The following FCHO1 variants were observed in gnomAD, a reference collection of about 807,000 sequenced individuals.
The protein encoded by FCHO1 is FCH and mu domain containing endocytic adaptor 1, also known as F-BAR domain only protein 1.
Under a neutral mutation model 114.4 loss-of-function variants are expected in FCHO1, and 45 were observed. That is an observed-to-expected ratio of 0.39 (90% CI 0.31 to 0.50). The LOEUF is 0.50. Ranked by LOEUF, FCHO1 falls within the 20% of genes least tolerant of loss-of-function variation. FCHO1 has a pLI of 0.77. For missense variants in FCHO1, 1,042 were observed against 1,209.6 expected, an observed-to-expected ratio of 0.86 and a Z score of 2.06; for synonymous variants, 480 against 488.9, an observed-to-expected ratio of 0.98 and a Z score of 0.24.
chr19:17,760,305 C>A (rs1335830806), intron 4 of FCHO1, among the ~76,000 whole-genome samples: 2 of 152,194 alleles, frequency 1.3e-5, no homozygotes, highest in Non-Finnish European at 2.9e-5. Flanking sequence ...CCTGCCTCGG[C>A]TTCCCAAAGT....
chr19:17,787,469 A>T (rs1387385887), intron 27 of FCHO1, among the ~76,000 whole-genome samples: 1 of 151,552 alleles, frequency 6.6e-6, no homozygotes, highest in African/African-American at 2.4e-5. Context: ...GGCCAGACAC[A>T]GCAGGTGCAA....
chr19:17,780,037 C>T (rs895299851), intron 20 of FCHO1, among the ~76,000 whole-genome samples: 3 of 151,876 alleles, frequency 2.0e-5, no homozygotes, highest in African/African-American at 7.3e-5. Flanking sequence ...GGGCTGTGAC[C>T]ACCCGAGGTC....
At chr19:17,780,158 GCT>G in intron 20 of FCHO1, among the ~76,000 whole-genome samples, 1 of 114,370 alleles carries the variant, frequency 8.7e-6, no homozygotes, top group Non-Finnish European at 1.8e-5. Flanking sequence ...GGCAGAAGAA[GCT>G]CTTTTTTTTT....
rs2093665700 is a variant in FCHO1, at chr19:17,784,143, C to A, written c.2134C>A (p.Leu712Ile). Residue 712 changes from leucine (L) to isoleucine (I), a missense_variant, in exon 25 of 29, where the codon CTC (leucine) becomes ATC (isoleucine). Coordinates refer to ENST00000596536, the MANE Select transcript of FCHO1 (RefSeq NM_015122.3). The surrounding 1 kb of genome is among the most constrained non-coding windows in gnomAD (Gnocchi z 5.3). ...TGACCCTGAGACCAAAGACTTCTGG[C>A]TCAACATGGCAGCTCTGACCGAAGC... Reference protein sequence around the residue: ...QSDPETKDFWLNMAALTEALQ... With the variant: ...QSDPETKDFWINMAALTEALQ... 6.2e-7 allele frequency: 1 copy of A among 1,614,034 alleles called. No homozygotes were observed. The highest frequency in any genetic ancestry group is 1.3e-5 in the African/African-American group (1 of 74,942).
chr19:17,787,928 G>T, intron 28 of FCHO1, 82 bp downstream of exon 28: 1 of 1,480,824 alleles, frequency 6.8e-7, no homozygotes, highest in East Asian at 2.3e-5. Context: ...GAGGGATTGG[G>T]GTGTGGGGAT....
intron 27 of FCHO1, 152 bp from the exon 28 acceptor site, chr19:17,787,530 A>T: frequency 1.2e-6 from 1 of 853,492 alleles, no homozygotes; most frequent in Non-Finnish European, 1.7e-6. Flanking sequence ...CAGTGATGCC[A>T]GGAGAGACAG....
intron 1 of FCHO1, among the ~76,000 whole-genome samples, chr19:17,753,157 G>A (rs1009398585): frequency 1.3e-5 from 2 of 152,198 alleles, no homozygotes; most frequent in African/African-American, 4.8e-5. Flanking sequence ...AAGAGATTTG[G>A]AGATGCTTAG....
chr19:17,781,278 G>T lies in FCHO1; in HGVS notation c.1675G>T (p.Ala559Ser). Residue 559 changes from alanine (A) to serine (S), a missense_variant, in exon 21 of 29, where the codon GCC (alanine) becomes TCC (serine). This residue lies in a region of FCHO1 where 455 missense variants were observed against 455.4 expected (regional missense o/e 1.00). Coordinates refer to ENST00000596536, the MANE Select transcript of FCHO1 (RefSeq NM_015122.3). ...ADPTAREGLA[A>S]PPRRLRSRKV... ...CCCCACAGCCAGGGAGGGCCTGGCAGCCCCACCCAGGAGACTTCGCTCTAG... is the reference window on the plus strand; with the variant it reads ...CCCCACAGCCAGGGAGGGCCTGGCATCCCCACCCAGGAGACTTCGCTCTAG... 1 of 1,614,026 alleles carries T rather than the reference G, an allele frequency of 6.2e-7. No homozygotes were observed. The highest frequency in any genetic ancestry group is 8.5e-7 in the Non-Finnish European group (1 of 1,179,962).
chr19:17,747,779 T>G (rs1245983305), upstream of FCHO1: 3 of 152,014 alleles, frequency 2.0e-5, no homozygotes, highest in East Asian at 5.8e-4. Context: ...AAGCCGCAGG[T>G]GGCGGCGAGC....
Position 17,762,851 on chromosome 19 carries a change from G to C in FCHO1, c.117G>C (p.Glu39Asp). The C allele has an allele frequency of 6.2e-7, 1 of 1,609,140 alleles. No homozygotes were observed. Among genetic ancestry groups the C allele is most frequent in the Admixed American group, 1.7e-5 (1 of 59,990 alleles). The change falls in exon 5 of 29, where the codon GAG becomes GAC. Residue 39 changes from glutamate to aspartate, a missense_variant and splice_region_variant. By Grantham distance (45) the Glu-to-Asp change is conservative (BLOSUM62 2). Transcript: ENST00000596536. ...STKELADFIR[E>D]RATIEETYSK... ...AGGAGCTGGCGGACTTCATCCGGGA[G>C]AGGTGAGGTCCCCAAGCCCCATCCA... is the stretch of plus-strand genomic sequence containing the variant.
rs1389927907 is a variant in FCHO1 at position 17,766,828 on chromosome 19, C to T, written c.336+18C>T. The stretch of plus-strand genomic sequence containing the variant: ...ACAAGAAGGTGTGTGTCGTGGGCGC[C>T]GCCCAGCGGCTGGGTGGGTGTGGAA... On this transcript the variant is annotated intron_variant, in intron 7 of 28. Transcript: ENST00000596536. The T allele has an allele frequency of 5.6e-6, 9 of 1,605,442 alleles. No individual in the cohort carries two copies. Among genetic ancestry groups the T allele is most frequent in the East Asian group, 2.2e-5 (1 of 44,606 alleles).
intron 13 of FCHO1, chr19:17,774,797 T>G (rs1223948965): frequency 1.7e-6 from 1 of 583,460 alleles, no homozygotes; most frequent in East Asian, 2.8e-5. Flanking sequence ...CGACTTTCCC[T>G]ATCTTCACAA....
At position 17,774,414 on chromosome 19, in the gene FCHO1, G is replaced by A. The variant is rs759854413; in HGVS notation, c.856G>A (p.Ala286Thr). ...LQEAMKRLRG[A>T]KAFRLPGLSR... Reference sequence around the variant, plus strand: ...CTCAGCGATGAAACGTTTGCGGGGAGCCAAGGCCTTTCGCCTTCCAGGACT... The same window carrying A: ...CTCAGCGATGAAACGTTTGCGGGGAACCAAGGCCTTTCGCCTTCCAGGACT... The change falls in exon 13 of 29, where the codon GCC becomes ACC. Residue 286 changes from alanine (A) to threonine (T), a missense_variant. Ala to Thr is a moderately conservative substitution (Grantham distance 58). Coordinates refer to ENST00000596536, the MANE Select transcript of FCHO1 (RefSeq NM_015122.3). 3.7e-6 allele frequency: 6 copies of A among 1,613,890 alleles called. No homozygotes were observed. The highest frequency in any genetic ancestry group is 5.1e-6 in the Non-Finnish European group (6 of 1,180,024).
chr19:17,777,535 CAAAAAAAAAA>C (rs34293409), intron 18 of FCHO1, among the ~76,000 whole-genome samples: 5 of 74,808 alleles, frequency 6.7e-5, no homozygotes, highest in African/African-American at 1.1e-4. Context: ...AACTCCGTCT[CAAAAAAAAAA>C]AAAAAAAAAA....
rs556822155 is a variant in FCHO1, at chr19:17,776,024, T to C, written c.1045T>C (p.Phe349Leu). Residue 349 changes from phenylalanine (F) to leucine (L), a missense_variant, in exon 16 of 29, where the codon TTC becomes CTC. This residue lies in a region of FCHO1 where 450 missense variants were observed against 564.1 expected (regional missense o/e 0.80). Transcript: ENST00000596536. The surrounding 1 kb of genome is among the most constrained non-coding windows in gnomAD (Gnocchi z 4.4). The stretch of plus-strand genomic sequence containing the variant: ...CCGTTTCTCGTCCAGCGACTCCGAC[T>C]TCGACGATGAAGAGCCCCGCAAGTT... ...PSRFSSSDSD[F>L]DDEEPRKFYV... is the part of the protein sequence containing the mutation. 6.2e-7 allele frequency: 1 copy of C among 1,609,708 alleles called. No homozygotes were observed. Among genetic ancestry groups the C allele is most frequent in the South Asian group, 1.1e-5 (1 of 91,072 alleles).
intron 20 of FCHO1, among the ~76,000 whole-genome samples, chr19:17,779,772 C>T (rs1181016094): frequency 1.3e-5 from 2 of 150,002 alleles, no homozygotes; most frequent in East Asian, 2.0e-4. Context: ...GGGTGGGGGA[C>T]GTCGAGGCTG....
chr19:17,757,652 A>C (rs1378384668), intron 4 of FCHO1, among the ~76,000 whole-genome samples: 1 of 152,198 alleles, frequency 6.6e-6, no homozygotes, highest in Non-Finnish European at 1.5e-5. Context: ...GTGGTAGCTC[A>C]CGTCTGTAAT....
chr19:17,748,508 G>T (rs1182395909), upstream of FCHO1, among the ~76,000 whole-genome samples: 5 of 63,762 alleles, frequency 7.8e-5, no homozygotes, highest in Admixed American at 2.3e-4. Context: ...GCCTGGACTT[G>T]GGGGGGGGGT....
At chr19:17,766,553 GTAT>G (rs2089252233) in intron 6 of FCHO1, 113 bp from the exon 7 acceptor site, 3 of 1,275,680 alleles carry the variant, frequency 2.4e-6, no homozygotes, top group Admixed American at 2.1e-5. Context: ...ATATGAATTA[GTAT>G]TCATTCATGT....
Sources: allele counts gnomAD v4.1 joint callset (sites outside exome capture counted in the v4.1 genomes callset), GRCh38; gene constraint gnomAD v4.1.1; regional missense constraint gnomAD v4.1.1; non-coding constraint Gnocchi (gnomAD v3.1); transcripts MANE v1.5; gene names NCBI Gene and HGNC (gene_info 2026-07-23, HGNC 2026-07-21).